Variants in LEKR1 observed in about 807,000 individuals in gnomAD.
The protein encoded by LEKR1 is protein LEKR1.
LEKR1 carries 59 observed loss-of-function variants against 72.4 expected under a neutral mutation model. That is an observed-to-expected ratio of 0.82 (90% CI 0.66 to 1.01). LEKR1 has a LOEUF of 1.01. Among genes scored for constraint, LEKR1 ranks in the 50% least tolerant of loss-of-function variants. The pLI is 0.00. For missense variants in LEKR1, 728 were observed against 759.2 expected, an observed-to-expected ratio of 0.96 and a Z score of 0.48; for synonymous variants, 257 against 263.2, an observed-to-expected ratio of 0.98 and a Z score of 0.23.
chr3:156,932,907 G>A (rs971889415), intron 5 of LEKR1, among the ~76,000 whole-genome samples: 1 of 152,030 alleles, frequency 6.6e-6, no homozygotes, highest in South Asian at 2.1e-4. Context: ...GCGGGCACCT[G>A]TAGTCCCAGC....
chr3:156,874,570 C>T (rs1718343135), intron 3 of LEKR1, among the ~76,000 whole-genome samples: 1 of 151,576 alleles, frequency 6.6e-6, no homozygotes, highest in African/African-American at 2.4e-5. Context: ...TTTTGGAGCA[C>T]AAGTGGTTTT....
chr3:157,038,350 A>G (rs1221710741), intron 12 of LEKR1, among the ~76,000 whole-genome samples: 1 of 152,216 alleles, frequency 6.6e-6, no homozygotes, highest in Admixed American at 6.5e-5. Flanking sequence ...TTGGGGAGGA[A>G]TATCAAGAAT....
chr3:156,905,010 A>G (rs1374570575), intron 3 of LEKR1, among the ~76,000 whole-genome samples: 1 of 152,146 alleles, frequency 6.6e-6, no homozygotes, highest in Non-Finnish European at 1.5e-5. Flanking sequence ...AATGAGGTTA[A>G]TTTAAAAACC....
chr3:156,867,467 C>T (rs376837213), intron 3 of LEKR1, among the ~76,000 whole-genome samples: 2 of 151,978 alleles, frequency 1.3e-5, no homozygotes, highest in South Asian at 4.2e-4. Flanking sequence ...TAGTATGAAA[C>T]TCTCTGAGGC....
intron 9 of LEKR1, 88 bp from the exon 10 acceptor site, chr3:157,011,325 G>A (rs1233593420): frequency 1.2e-6 from 1 of 840,932 alleles, no homozygotes; most frequent in African/African-American, 1.7e-5. Context: ...ACTAAGTTTT[G>A]AAGTAATATC....
intron 5 of LEKR1, 94 bp from the exon 6 acceptor site, chr3:156,942,435 A>G (rs765548658): frequency 5.9e-5 from 22 of 373,616 alleles, no homozygotes; most frequent in Non-Finnish European, 8.7e-5. Flanking sequence ...TTGCCTTTCA[A>G]CTATTAATTT....
intron 12 of LEKR1, 78 bp downstream of exon 12, chr3:157,028,480 G>A: frequency 7.9e-7 from 1 of 1,266,618 alleles, no homozygotes; most frequent in South Asian, 1.6e-5. Flanking sequence ...AAACGTGAAA[G>A]GCAGCTTAGT....
At chr3:156,892,382 G>A (rs181580984) in intron 3 of LEKR1, among the ~76,000 whole-genome samples, 77 of 152,186 alleles carry the variant, frequency 5.1e-4, no homozygotes, top group African/African-American at 1.7e-3. Flanking sequence ...GAAATTCTCG[G>A]GGCAATTTTC....
In LEKR1 at chr3:157,045,657, C is replaced by T. The variant is rs140351975; in HGVS notation, c.1986C>T (p.Pro662=). 1,411 of 1,614,096 alleles carry T rather than the reference C, an allele frequency of 8.7e-4. 4 individuals carry two copies. The African/African-American group carries it at 0.013, about 15-fold the overall frequency. The change falls in exon 13 of 13, where the codon CCC becomes CCT. Residue 662 remains proline (P), a synonymous_variant. Coordinates refer to ENST00000356539, the MANE Select transcript of LEKR1 (RefSeq NM_001004316.3). ...TTAGATCAGGCGTGCCCATTCTCCCCCAGCCACATCCTCCCAGGGGTGGAG... is the reference window on the plus strand; with the variant it reads ...TTAGATCAGGCGTGCCCATTCTCCCTCAGCCACATCCTCCCAGGGGTGGAG... ...KRVRSGVPIL[P]QPHPPRGGAS...
chr3:157,044,978 C>G (rs1735646950), intron 12 of LEKR1, among the ~76,000 whole-genome samples: 1 of 152,208 alleles, frequency 6.6e-6, no homozygotes, highest in South Asian at 2.1e-4. Flanking sequence ...AGCATACTGT[C>G]TGCGACTTGA....
chr3:157,003,311 T>C (rs28560267), intron 9 of LEKR1, among the ~76,000 whole-genome samples: 45,696 of 152,142 alleles, frequency 0.3, 8,614 homozygotes, highest in East Asian at 0.6. Flanking sequence ...TCTCATATTA[T>C]TGCTGAAGCT....
intron 6 of LEKR1, among the ~76,000 whole-genome samples, chr3:156,973,763 T>C (rs983920842): frequency 2.0e-5 from 3 of 151,976 alleles, no homozygotes. Flanking sequence ...CCAAGAAGTA[T>C]AAGGTGAGGT....
chr3:156,988,630 T>G (rs1730897645), intron 7 of LEKR1: 1 of 233,832 alleles, frequency 4.3e-6, no homozygotes, highest in Non-Finnish European at 9.6e-6. Flanking sequence ...GTAAAGGTAC[T>G]GAAGAACCAG....
chr3:156,909,452 T>C (rs144565933), intron 3 of LEKR1, among the ~76,000 whole-genome samples: 4,004 of 152,026 alleles, frequency 0.026, 163 homozygotes, highest in East Asian at 0.16. Context: ...GAGATGGAGA[T>C]CATCCTGGCT....
chr3:156,934,929 C>T (rs1725560827), intron 5 of LEKR1, among the ~76,000 whole-genome samples: 1 of 152,026 alleles, frequency 6.6e-6, no homozygotes, highest in African/African-American at 2.4e-5. Flanking sequence ...TATTCATGAA[C>T]ATGTAGGTTG....
intron 5 of LEKR1, among the ~76,000 whole-genome samples, chr3:156,928,158 G>C (rs920352274): frequency 8.6e-5 from 13 of 151,986 alleles, no homozygotes; most frequent in Admixed American, 7.2e-4. Flanking sequence ...GGATAAATGA[G>C]AAGAGCAAAG....
intron 7 of LEKR1, among the ~76,000 whole-genome samples, chr3:156,991,768 T>C (rs886732926): frequency 2.6e-5 from 4 of 152,238 alleles, no homozygotes; most frequent in African/African-American, 7.2e-5. Flanking sequence ...GAATAATTAC[T>C]TCTTCAAAAA....
rs67063525 is a variant in LEKR1 at position 156,987,022 on chromosome 3, CTATTGTATTGTATTGTATTG to C, written c.828-5580_828-5561del. ...TTTCAAAGTGGGGGGAAATAGCTAG[CTATTGTATTGTATTGTATTG>C]TATTGTATTGTATTGTATTGTATTG... On this transcript the variant is annotated intron_variant, in intron 7 of 12. Coordinates refer to ENST00000356539, the MANE Select transcript of LEKR1 (RefSeq NM_001004316.3). Among the ~76,000 whole-genome samples the C allele has an allele frequency of 1.9e-3, 237 of 124,428 alleles. 1 individual carries two copies. The highest frequency in any genetic ancestry group is 4.0e-3 in the Middle Eastern group (1 of 250). The allele number at this position is 124,428 out of a possible 152,430, so 81.6% of individuals were successfully genotyped here.
At chr3:156,936,466 C>CACACACACACACA (rs71931633) in intron 5 of LEKR1, among the ~76,000 whole-genome samples, 10 of 57,272 alleles carry the variant, frequency 1.7e-4, no homozygotes, top group African/African-American at 3.0e-4. Context: ...CACACACACA[C>CACACACACACACA]CCCCCGTATG....
Sources: allele counts gnomAD v4.1 joint callset (sites outside exome capture counted in the v4.1 genomes callset), GRCh38; gene constraint gnomAD v4.1.1; transcripts MANE v1.5; gene names NCBI Gene and HGNC (gene_info 2026-07-23, HGNC 2026-07-21).